Variants in BID observed in about 807,000 individuals in gnomAD.
BID encodes BH3-interacting domain death agonist.
A neutral mutation model predicts 17.4 loss-of-function variants in BID; 19 were observed. The observed-to-expected ratio is 1.09, with a 90% CI of 0.76 to 1.60. The LOEUF is 1.60. BID is among the 40% of genes most tolerant of loss of function. BID has a pLI of 0.00. For synonymous variants in BID, 108 were observed against 102.8 expected (o/e 1.05, Z -0.31); for missense variants, 226 against 256.0 (o/e 0.88, Z 0.80).
rs1334001442 is a variant in BID, at chr22:17,734,278, AGTTT to A, written c.*1298_*1301del. On this transcript the variant is annotated 3_prime_UTR_variant, in exon 6 of 6. Coordinates refer to ENST00000622694, the MANE Select transcript of BID (RefSeq NM_001196.4). The stretch of plus-strand genomic sequence containing the variant: ...ATGTATTGCATGCTGAACAATATAG[AGTTT>A]GTTTTTCCTTTCTGATGATTTTAAA... 1.3e-5 allele frequency: 2 copies of A among 151,960 alleles called. No individual in the cohort carries two copies. Among genetic ancestry groups the A allele is most frequent in the Non-Finnish European group, 2.9e-5 (2 of 67,932 alleles). The allele number at this position is 151,960 out of a possible 1,614,324, so 9.4% of individuals were successfully genotyped here.
At position 17,748,070 on chromosome 22, in the gene BID, G is replaced by A. The variant is rs2061506997; in HGVS notation, c.12+2035C>T. ...CTAAAATATAAAAAATTAGCCGGGC[G>A]TGGTGGTGGGCGCCTGTAGTCCCAG... On this transcript the variant is annotated intron_variant, in intron 2 of 5. Transcript: ENST00000622694. 2.7e-5 allele frequency among the ~76,000 whole-genome samples: 4 copies of A among 150,868 alleles called. 1 individual carries two copies. The highest frequency in any genetic ancestry group is 9.8e-5 in the African/African-American group (4 of 40,764).
At chr22:17,748,446 T>C (rs1326014756) in intron 2 of BID, among the ~76,000 whole-genome samples, 2 of 135,336 alleles carry the variant, frequency 1.5e-5, no homozygotes, top group Non-Finnish European at 3.2e-5. Flanking sequence ...AGGCGGAGCC[T>C]GCAGTGAGCG....
At chr22:17,759,246 C>CAAAAAAAAAAAA (rs61124020) in intron 1 of BID, among the ~76,000 whole-genome samples, 1 of 114,788 alleles carries the variant, frequency 8.7e-6, no homozygotes, top group Non-Finnish European at 1.9e-5. Context: ...AAAAACAAAA[C>CAAAAAAAAAAAA]AAAAAAAAAA....
intron 1 of BID, among the ~76,000 whole-genome samples, chr22:17,757,402 CAAAA>C (rs34545330): frequency 1.1e-4 from 7 of 61,030 alleles, no homozygotes; most frequent in South Asian, 7.8e-4. Flanking sequence ...GACCCTGTCC[CAAAA>C]AAAAAAAAAA....
intron 4 of BID, among the ~76,000 whole-genome samples, chr22:17,738,741 C>T (rs1444838961): frequency 6.6e-6 from 1 of 152,170 alleles, no homozygotes; most frequent in African/African-American, 2.4e-5. Flanking sequence ...CCCCACTGAA[C>T]AGAAGCATGA....
intron 1 of BID, among the ~76,000 whole-genome samples, chr22:17,766,043 C>G (rs929190559): frequency 7.9e-5 from 12 of 152,174 alleles, no homozygotes; most frequent in Admixed American, 3.3e-4. Flanking sequence ...ATCCTCCCCC[C>G]TCAGCCTCCA....
intron 5 of BID, among the ~76,000 whole-genome samples, chr22:17,736,502 T>A (rs2061420898): frequency 6.6e-6 from 1 of 151,808 alleles, no homozygotes; most frequent in Admixed American, 6.6e-5. Flanking sequence ...CTAATATTTT[T>A]AAATTTACAA....
intron 1 of BID, among the ~76,000 whole-genome samples, chr22:17,756,817 G>A (rs968729457): frequency 3.3e-5 from 5 of 151,710 alleles, no homozygotes; most frequent in African/African-American, 7.3e-5. Context: ...CTTGCGATCC[G>A]CCCCCCTCAG....
chr22:17,757,602 G>C (rs562006660), intron 1 of BID, among the ~76,000 whole-genome samples: 1 of 151,414 alleles, frequency 6.6e-6, no homozygotes, highest in South Asian at 2.1e-4. Context: ...CCAGCTACTC[G>C]GGAGGCTGAG....
intron 1 of BID, among the ~76,000 whole-genome samples, chr22:17,755,799 CAAA>C (rs72491085): frequency 1.3e-3 from 181 of 135,882 alleles, no homozygotes; most frequent in African/African-American, 1.6e-3. Context: ...AACTCCGTCT[CAAA>C]AAAAAAAAAA....
chr22:17,753,112 G>A (rs576498716), intron 1 of BID, among the ~76,000 whole-genome samples: 153 of 149,558 alleles, frequency 1.0e-3, no homozygotes, highest in African/African-American at 3.5e-3. Context: ...GACTACAGGC[G>A]CCCACCACCA....
Position 17,758,981 on chromosome 22 carries a change from G to A in BID, c.-58-8807C>T, listed in dbSNP as rs139828096. 6.6e-3 allele frequency among the ~76,000 whole-genome samples: 1,001 copies of A among 151,988 alleles called. 12 individuals carry two copies. Among genetic ancestry groups the A allele is most frequent in the African/African-American group, 0.022 (922 of 41,456 alleles). On this transcript the variant is annotated intron_variant, in intron 1 of 5. Transcript: ENST00000622694. ...GGTGTGGTGGCTCATGCCTGTAATC[G>A]CAGCACTTTGGGAGGACGAGGTGGG... is the stretch of plus-strand genomic sequence containing the variant.
At chr22:17,766,675 C>T (rs908919588) in intron 1 of BID, among the ~76,000 whole-genome samples, 1 of 151,820 alleles carries the variant, frequency 6.6e-6, no homozygotes, top group Non-Finnish European at 1.5e-5. Flanking sequence ...CTGCAACCTC[C>T]GCAGCCTGGG....
At position 17,767,750 on chromosome 22, in the gene BID, CACGGAGAGAAA is replaced by C. The variant is rs3831845; in HGVS notation, c.-59+6620_-59+6630del. Among the ~76,000 whole-genome samples, 7 of 152,276 alleles carry C rather than the reference CACGGAGAGAAA, an allele frequency of 4.6e-5. No homozygotes were observed. The East Asian group carries it at 1.3e-3, about 29-fold the overall frequency. ...GAGTCAGGGGCAGGGGAAACAGAGACACGGAGAGAAAACGGAGAAACAGCGTCCGCGAAGTG... is the reference window on the plus strand; with the variant it reads ...GAGTCAGGGGCAGGGGAAACAGAGACACGGAGAAACAGCGTCCGCGAAGTG... On this transcript the variant is annotated intron_variant, in intron 1 of 5. Coordinates refer to ENST00000622694, the MANE Select transcript of BID (RefSeq NM_001196.4).
At chr22:17,743,064 T>C (rs1183384593) in intron 3 of BID, among the ~76,000 whole-genome samples, 1 of 152,266 alleles carries the variant, frequency 6.6e-6, no homozygotes, top group Non-Finnish European at 1.5e-5. Flanking sequence ...AGTGGTAACA[T>C]GGCCACAAGC....
intron 2 of BID, among the ~76,000 whole-genome samples, chr22:17,747,615 C>T (rs2061503174): frequency 6.6e-6 from 1 of 152,054 alleles, no homozygotes; most frequent in Non-Finnish European, 1.5e-5. Context: ...GCCACCATGC[C>T]CAGCCTCTAG....
intron 2 of BID, among the ~76,000 whole-genome samples, chr22:17,745,895 G>A (rs928519988): frequency 2.0e-5 from 3 of 152,084 alleles, no homozygotes; most frequent in African/African-American, 7.2e-5. Flanking sequence ...GAACCCGGGA[G>A]GTGGAGGTTG....
intron 1 of BID, among the ~76,000 whole-genome samples, chr22:17,768,125 C>T (rs960113513): frequency 5.3e-5 from 8 of 152,188 alleles, no homozygotes; most frequent in South Asian, 4.1e-4. Context: ...GCGGAGCAGC[C>T]ACCAGTGTGT....
chr22:17,771,470 G>A (rs751358837), intron 1 of BID, among the ~76,000 whole-genome samples: 2 of 151,078 alleles, frequency 1.3e-5, no homozygotes, highest in East Asian at 3.9e-4. Context: ...GGAGTGCGGC[G>A]GTGCAATCAC....
Sources: gnomAD v4.1 joint callset for allele counts (sites outside exome capture counted in the v4.1 genomes callset) on GRCh38, gnomAD v4.1.1 for gene constraint, MANE v1.5 for transcripts, NCBI Gene and HGNC (gene_info 2026-07-23, HGNC 2026-07-21) for gene names.